Variants in LTK observed in about 807,000 individuals in gnomAD.
LTK encodes the protein leukocyte tyrosine kinase receptor.
A neutral mutation model predicts 101.5 loss-of-function variants in LTK; 117 were observed. That is an observed-to-expected ratio of 1.15 (90% CI 0.99 to 1.34). LTK has a LOEUF of 1.34. LTK is among the 40% of genes most tolerant of loss of function. LTK has a pLI of 0.00. For synonymous variants in LTK, 563 were observed against 494.2 expected (o/e 1.14, Z -1.85); for missense variants, 1,252 against 1,164.7 (o/e 1.07, Z -1.09).
rs1403132758 is a variant in LTK, at chr15:41,512,247, G to A, written c.378C>T (p.Ala126=). Reference sequence around the variant, plus strand: ...GGTTCTTGGCGCCTTTGCCGCCCGCGGCTCCGTAGGCTGAGATCCTGCGGG... The same window carrying A: ...GGTTCTTGGCGCCTTTGCCGCCCGCAGCTCCGTAGGCTGAGATCCTGCGGG... ...PGQYLISAYG[A]AGGKGAKNHL... Residue 126 remains alanine (A), a synonymous_variant, in exon 4 of 20, where the codon GCC becomes GCT. Coordinates refer to ENST00000263800, the MANE Select transcript of LTK (RefSeq NM_002344.6). 9 of 1,612,462 alleles carry A rather than the reference G, an allele frequency of 5.6e-6. No homozygotes were observed. Among genetic ancestry groups the A allele is most frequent in the Admixed American group, 3.3e-5 (2 of 59,986 alleles).
chr15:41,505,651 G>C, intron 13 of LTK, 62 bp downstream of exon 13: 2 of 1,608,522 alleles, frequency 1.2e-6, no homozygotes, highest in Non-Finnish European at 1.7e-6. Context: ...TCAGGGTGAA[G>C]AGAAACTGTT....
In LTK at chr15:41,506,019, C is replaced by G. The variant is rs919960; in HGVS notation, c.1542-14G>C. ...TGGCCCAGGGCTCTGCAGGAAGACA[C>G]GTTGGAAGGGAGTGGGCAGGCGGCC... On this transcript the variant is annotated splice_polypyrimidine_tract_variant and intron_variant, in intron 11 of 19. Coordinates refer to ENST00000263800, the MANE Select transcript of LTK (RefSeq NM_002344.6). 2 of 1,596,928 alleles carry G rather than the reference C, an allele frequency of 1.3e-6. No homozygotes were observed. Among genetic ancestry groups the G allele is most frequent in the South Asian group, 2.2e-5 (2 of 90,662 alleles).
chr15:41,505,099 CTA>C (rs2051220921), intron 15 of LTK, 35 bp from the exon 16 acceptor site: 1 of 1,588,824 alleles, frequency 6.3e-7, no homozygotes, highest in African/African-American at 1.3e-5. Flanking sequence ...CTGCCAGAAT[CTA>C]GAAGTTCTTG....
chr15:41,508,314 A>C, intron 8 of LTK, 93 bp from the exon 9 acceptor site: 1 of 1,107,934 alleles, frequency 9.0e-7, no homozygotes, highest in East Asian at 2.7e-5. Context: ...CACGCCTATA[A>C]TCATTGCACT....
Position 41,507,415 on chromosome 15 carries a change from T to G in LTK, c.1346-125A>C. On this transcript the variant is annotated intron_variant, in intron 10 of 19. Coordinates refer to ENST00000263800, the MANE Select transcript of LTK (RefSeq NM_002344.6). ...GTTTTCCCCAGGCCTCCCCAGCTCCTTCCTATCTTAGAATCCCAGAGGAGT... is the reference window on the plus strand; with the variant it reads ...GTTTTCCCCAGGCCTCCCCAGCTCCGTCCTATCTTAGAATCCCAGAGGAGT... 2.0e-6 allele frequency: 3 copies of G among 1,521,544 alleles called. No individual in the cohort carries two copies. The Admixed American group carries it at 6.0e-5, about 31-fold the overall frequency. 94.3% of individuals were successfully genotyped at this position (1,521,544 alleles called of 1,614,324 possible).
rs538471011 is a variant in LTK, at chr15:41,507,540, G to C, written c.1345+22C>G. 3.7e-5 allele frequency: 60 copies of C among 1,610,972 alleles called. No homozygotes were observed. The South Asian group carries it at 6.1e-4, about 16-fold the overall frequency. On this transcript the variant is annotated intron_variant, in intron 10 of 19. Coordinates refer to ENST00000263800, the MANE Select transcript of LTK (RefSeq NM_002344.6). Reference sequence around the variant, plus strand: ...GGAGAGGAGCAGCCTTGAATCAACTGTGCCTGCTAGACGCTTCGTACCCAG... The same window carrying C: ...GGAGAGGAGCAGCCTTGAATCAACTCTGCCTGCTAGACGCTTCGTACCCAG...
At chr15:41,508,839 C>G (rs1469977569) in intron 8 of LTK, among the ~76,000 whole-genome samples, 192 bp downstream of exon 8, 1 of 152,198 alleles carries the variant, frequency 6.6e-6, no homozygotes, top group South Asian at 2.1e-4. Context: ...CAGAGTTTTG[C>G]TCTTGTCGCC....
In LTK at chr15:41,513,012, C is replaced by T; in HGVS notation, c.152G>A (p.Ser51Asn). Reference protein sequence around the residue: ...PRDPKVSAPPSILEPASPLNS... With the variant: ...PRDPKVSAPPNILEPASPLNS... Reference sequence around the variant, plus strand: ...CAGCGGGGAGGCTGGCTCCAAGATACTAGGCGGGGCGCTGACTTTCGGGTC... The same window carrying T: ...CAGCGGGGAGGCTGGCTCCAAGATATTAGGCGGGGCGCTGACTTTCGGGTC... Residue 51 changes from serine (S) to asparagine (N), a missense_variant, in exon 2 of 20, where the codon AGT becomes AAT. Ser to Asn is a conservative substitution (Grantham distance 46). Transcript: ENST00000263800. The T allele has an allele frequency of 6.2e-7, 1 of 1,613,280 alleles. No homozygotes were observed. Among genetic ancestry groups the T allele is most frequent in the Non-Finnish European group, 8.5e-7 (1 of 1,179,872 alleles).
chr15:41,506,026 A>C, intron 11 of LTK, 21 bp from the exon 12 acceptor site: 1 of 1,573,126 alleles, frequency 6.4e-7, no homozygotes, highest in Non-Finnish European at 8.7e-7. Flanking sequence ...ACACGTTGGA[A>C]GGGAGTGGGC....
Position 41,504,509 on chromosome 15 carries a change from G to A in LTK, c.2252C>T (p.Pro751Leu). ...RMDPPRGCPG[P>L]VYRIMTQCWQ... is the part of the protein sequence containing the mutation. The stretch of plus-strand genomic sequence containing the variant: ...TCCCGGGCAGCACTCAACTCACACA[G>A]GCCCTGGGCAGCCCCTAGGAGGGTC... The change falls in exon 18 of 20, where the codon CCT becomes CTT. Residue 751 changes from proline to leucine, a missense_variant. Coordinates refer to ENST00000263800, the MANE Select transcript of LTK (RefSeq NM_002344.6). 6.2e-7 allele frequency: 1 copy of A among 1,613,182 alleles called. No individual in the cohort carries two copies. Among genetic ancestry groups the A allele is most frequent in the Non-Finnish European group, 8.5e-7 (1 of 1,179,504 alleles).
At chr15:41,505,682 C>T in intron 13 of LTK, 31 bp downstream of exon 13, 1 of 1,613,040 alleles carries the variant, frequency 6.2e-7, no homozygotes, top group Non-Finnish European at 8.5e-7. Flanking sequence ...CCCCTCCCGC[C>T]TTCCAGCCCT....
chr15:41,505,112 C>T (rs760965448), intron 15 of LTK, 48 bp from the exon 16 acceptor site: 11 of 1,586,582 alleles, frequency 6.9e-6, no homozygotes, highest in Non-Finnish European at 1.7e-6. Flanking sequence ...GAAGTTCTTG[C>T]TCTTCCTGAT....
At position 41,504,117 on chromosome 15, in the gene LTK, G is replaced by A. The variant is rs2051165071; in HGVS notation, c.2474C>T (p.Pro825Leu). The stretch of plus-strand genomic sequence containing the variant: ...ACCTCCCCAGCTTTTCAACTTCTCT[G>A]GACTCAGTTCCTGGGGCTGTGGGGG... ...LRPPQPQELS[P>L]EKLKSWGGSP... The change falls in exon 20 of 20, where the codon CCA (proline) becomes CTA (leucine). Residue 825 changes from proline to leucine, a missense_variant. Coordinates refer to ENST00000263800, the MANE Select transcript of LTK (RefSeq NM_002344.6). 3 of 1,614,106 alleles carry A rather than the reference G, an allele frequency of 1.9e-6. No individual in the cohort carries two copies. Among genetic ancestry groups the A allele is most frequent in the African/African-American group, 2.7e-5 (2 of 75,058 alleles).
chr15:41,508,943 A>C, intron 8 of LTK, 88 bp downstream of exon 8: 1 of 784,414 alleles, frequency 1.3e-6, no homozygotes, highest in Non-Finnish European at 2.1e-6. Context: ...TTCACAGTGC[A>C]GGTGGCTCTT....
At chr15:41,508,922 A>G in intron 8 of LTK, 109 bp downstream of exon 8, 2 of 700,616 alleles carry the variant, frequency 2.9e-6, no homozygotes, top group South Asian at 3.6e-5. Flanking sequence ...ATCCTGTGCT[A>G]TGCAAGGTTA....
At chr15:41,506,055 T>C in intron 11 of LTK, 50 bp from the exon 12 acceptor site, 2 of 1,260,998 alleles carry the variant, frequency 1.6e-6, no homozygotes, top group South Asian at 1.2e-5. Context: ...TGGAGAAGAG[T>C]CCTAGAGAGT....
At chr15:41,508,625 T>C (rs935237357) in intron 8 of LTK, among the ~76,000 whole-genome samples, 1 of 152,100 alleles carries the variant, frequency 6.6e-6, no homozygotes, top group Non-Finnish European at 1.5e-5. Flanking sequence ...TCCAGCCACA[T>C]GGTTAATTCT....
rs1158976201 is a variant in LTK at position 41,504,375 on chromosome 15, G to T, written c.2313C>A (p.Ala771=). The T allele has an allele frequency of 6.2e-7, 1 of 1,614,062 alleles. No individual in the cohort carries two copies. The highest frequency in any genetic ancestry group is 8.5e-7 in the Non-Finnish European group (1 of 1,180,028). ...QHEPELRPSF[A]SILERLQYCT... is the part of the protein sequence containing the mutation. ...AGTACTGCAGACGCTCCAAGATGCT[G>T]GCAAAGCTAGGGCGGAGCTCAGGCT... Residue 771 remains alanine (A), a synonymous_variant, in exon 19 of 20, where the codon GCC becomes GCA. Coordinates refer to ENST00000263800, the MANE Select transcript of LTK (RefSeq NM_002344.6).
Position 41,509,094 on chromosome 15 carries a change from C to A in LTK, c.1033G>T (p.Asp345Tyr). 6.2e-7 allele frequency: 1 copy of A among 1,613,894 alleles called. No individual in the cohort carries two copies. Among genetic ancestry groups the A allele is most frequent in the Non-Finnish European group, 8.5e-7 (1 of 1,179,892 alleles). Residue 345 changes from aspartate (D) to tyrosine (Y), a missense_variant, in exon 8 of 20, where the codon GAT (aspartate) becomes TAT (tyrosine). By Grantham distance (160) the Asp-to-Tyr change is radical. Coordinates refer to ENST00000263800, the MANE Select transcript of LTK (RefSeq NM_002344.6). ...ATGAAGGATACTCCATCTTCCCCAT[C>A]AGCCCAGAGGTTGTCAGTCTCTGAA... Reference protein sequence around the residue: ...DASETDNLWADGEDGVSFIHP... With the variant: ...DASETDNLWAYGEDGVSFIHP...
Sources: gnomAD v4.1 joint callset for allele counts (sites outside exome capture counted in the v4.1 genomes callset) on GRCh38, gnomAD v4.1.1 for gene constraint, MANE v1.5 for transcripts, NCBI Gene and HGNC (gene_info 2026-07-23, HGNC 2026-07-21) for gene names.